The following GOLM2 variants were observed in gnomAD, a reference collection of about 807,000 sequenced individuals.
GOLM2 encodes the protein golgi membrane protein 2, also known as protein GOLM2.
GOLM2 carries 26 observed loss-of-function variants against 55.9 expected under a neutral mutation model. That is an observed-to-expected ratio of 0.47 (90% CI 0.34 to 0.65). GOLM2 has a LOEUF of 0.65. Among genes scored for constraint, GOLM2 ranks in the 30% least tolerant of loss-of-function variants. The pLI, the probability that GOLM2 is intolerant of heterozygous loss-of-function variation, is 0.01. For synonymous variants in GOLM2, 165 were observed against 194.6 expected (o/e 0.85, Z 1.27); for missense variants, 486 against 531.8 (o/e 0.91, Z 0.85).
At chr15:44,292,007 T>G (rs2078724112) in intron 1 of GOLM2, among the ~76,000 whole-genome samples, 2 of 152,088 alleles carry the variant, frequency 1.3e-5, no homozygotes, top group Non-Finnish European at 2.9e-5. Context: ...CAGGTTACTA[T>G]TTTCATGGCC....
chr15:44,323,400 G>C (rs2078963959), intron 2 of GOLM2, among the ~76,000 whole-genome samples: 1 of 151,770 alleles, frequency 6.6e-6, no homozygotes, highest in Admixed American at 6.6e-5. Flanking sequence ...TCAGGTCTAG[G>C]GATGCTTTGG....
rs748572538 is a variant in GOLM2, at chr15:44,289,087, G to T, written c.58G>T (p.Val20Leu). Residue 20 changes from valine (V) to leucine (L), a missense_variant, in exon 1 of 10, where the codon GTG becomes TTG. Coordinates refer to ENST00000299957, the MANE Select transcript of GOLM2 (RefSeq NM_138423.4). The surrounding 1 kb of genome is among the most constrained non-coding windows in gnomAD (Gnocchi z 4.8). ...AGRLPSLVLV[V>L]LLVVIVVLAF... Reference sequence around the variant, plus strand: ...CCGCCTGCCCTCTCTCGTGCTGGTGGTGCTGCTGGTGGTGATCGTCGTCCT... The same window carrying T: ...CCGCCTGCCCTCTCTCGTGCTGGTGTTGCTGCTGGTGGTGATCGTCGTCCT... 6.8e-6 allele frequency: 11 copies of T among 1,614,150 alleles called. No homozygotes were observed. In the South Asian group the frequency reaches 1.2e-4, roughly 18 times the overall value.
chr15:44,385,148 C>A (rs920400314), intron 8 of GOLM2, among the ~76,000 whole-genome samples: 4 of 152,030 alleles, frequency 2.6e-5, no homozygotes, highest in Non-Finnish European at 5.9e-5. Flanking sequence ...CATTTATGTA[C>A]AAGTTTTTTT....
intron 6 of GOLM2, among the ~76,000 whole-genome samples, chr15:44,366,590 C>T (rs1462367721): frequency 2.6e-5 from 4 of 152,098 alleles, no homozygotes; most frequent in Admixed American, 6.5e-5. Context: ...ACCATGATGA[C>T]GCCATTGCAC....
At chr15:44,351,494 G>A (rs1227137269) in intron 6 of GOLM2, among the ~76,000 whole-genome samples, 2 of 148,674 alleles carry the variant, frequency 1.3e-5, no homozygotes, top group Non-Finnish European at 1.5e-5. Context: ...GGAGAATGGC[G>A]TGAACCCGGG....
chr15:44,295,111 A>C (rs1194323210), intron 1 of GOLM2, among the ~76,000 whole-genome samples: 2 of 143,836 alleles, frequency 1.4e-5, no homozygotes, highest in Admixed American at 7.2e-5. Flanking sequence ...ATGGAGCCTC[A>C]CTCTGTCACC....
chr15:44,362,689 CTACTT>C (rs1279348159), intron 6 of GOLM2, among the ~76,000 whole-genome samples: 1 of 152,144 alleles, frequency 6.6e-6, no homozygotes, highest in Non-Finnish European at 1.5e-5. Flanking sequence ...TTGGAAAAAA[CTACTT>C]TAAAGTTCAT....
chr15:44,298,794 G>A, intron 1 of GOLM2, among the ~76,000 whole-genome samples: 1 of 152,214 alleles, frequency 6.6e-6, no homozygotes, highest in Non-Finnish European at 1.5e-5. Flanking sequence ...TCCCCTAAAA[G>A]GATATATTGA....
intron 8 of GOLM2, among the ~76,000 whole-genome samples, chr15:44,401,059 G>A (rs2079561883): frequency 6.6e-6 from 1 of 152,088 alleles, no homozygotes; most frequent in African/African-American, 2.4e-5. Context: ...AAAGGAAGCT[G>A]TTTATTTTTT....
intron 6 of GOLM2, among the ~76,000 whole-genome samples, chr15:44,350,782 C>G (rs1446922642): frequency 6.6e-6 from 1 of 152,132 alleles, no homozygotes; most frequent in Non-Finnish European, 1.5e-5. Context: ...TATCATTGAA[C>G]AAGTGGGTTT....
chr15:44,331,943 C>A, intron 3 of GOLM2, 45 bp from the exon 4 acceptor site: 4 of 1,341,956 alleles, frequency 3.0e-6, no homozygotes, highest in Non-Finnish European at 4.3e-6. Context: ...CTTTGAGAAT[C>A]CAATCCAAGA....
At chr15:44,382,996 ATG>A (rs924657588) in intron 8 of GOLM2, among the ~76,000 whole-genome samples, 1 of 151,196 alleles carries the variant, frequency 6.6e-6, no homozygotes, top group African/African-American at 2.4e-5. Context: ...TTTATCATTA[ATG>A]TATATGGAGA....
At chr15:44,342,002 A>G (rs1048935889) in intron 6 of GOLM2, among the ~76,000 whole-genome samples, 1 of 151,880 alleles carries the variant, frequency 6.6e-6, no homozygotes, top group African/African-American at 2.4e-5. Flanking sequence ...GGCCAATTTT[A>G]TTAGATTTTA....
rs150577938 is a variant in GOLM2, at chr15:44,376,751, G to A, written c.803-2939G>A. On this transcript the variant is annotated intron_variant, in intron 6 of 9. Transcript: ENST00000299957. ...TCTAGATCATCGTTTGTTTCAGTACGACTAACTATAATAATTACCTCTTTT... is the reference window on the plus strand; with the variant it reads ...TCTAGATCATCGTTTGTTTCAGTACAACTAACTATAATAATTACCTCTTTT... 3.3e-5 allele frequency among the ~76,000 whole-genome samples: 5 copies of A among 152,104 alleles called. No individual in the cohort carries two copies. In the East Asian group the frequency reaches 9.6e-4, roughly 29 times the overall value.
chr15:44,401,829 CTT>C (rs754956674), intron 8 of GOLM2, among the ~76,000 whole-genome samples: 13 of 119,662 alleles, frequency 1.1e-4, no homozygotes, highest in African/African-American at 1.2e-4. Flanking sequence ...TTCTTGATTT[CTT>C]TTTTTTTTTT....
chr15:44,401,381 C>T (rs1205287473), intron 8 of GOLM2, among the ~76,000 whole-genome samples: 1 of 152,086 alleles, frequency 6.6e-6, no homozygotes, highest in African/African-American at 2.4e-5. Context: ...CCTTCTACCT[C>T]AGCCTCCTGA....
chr15:44,290,627 G>A (rs1269727491), intron 1 of GOLM2, among the ~76,000 whole-genome samples: 1 of 152,192 alleles, frequency 6.6e-6, no homozygotes, highest in African/African-American at 2.4e-5. Context: ...CTCGGGCAGA[G>A]TAGGTAGAAA....
chr15:44,366,310 A>AAAAAC, intron 6 of GOLM2, among the ~76,000 whole-genome samples: 1 of 150,534 alleles, frequency 6.6e-6, no homozygotes, highest in South Asian at 2.1e-4. Context: ...AAAAAAAAAA[A>AAAAAC]AAAACAAAAC....
At position 44,380,952 on chromosome 15, in the gene GOLM2, A is replaced by G. The variant is rs1480925145; in HGVS notation, c.1048A>G (p.Ser350Gly). The change falls in exon 8 of 10, where the codon AGT becomes GGT. Residue 350 changes from serine to glycine, a missense_variant. Physicochemically the swap from Ser to Gly is moderately conservative, Grantham distance 56 (BLOSUM62 0). Transcript: ENST00000299957. ...ILKQATKDRV[S>G]DFHKLKQSRF... is the part of the protein sequence containing the mutation. ...AAAGCAGGCTACCAAGGACAGAGTC[A>G]GTGATTTCCATAAATTGAAGCAAAG... The G allele has an allele frequency of 6.4e-7, 1 of 1,572,594 alleles. No individual in the cohort carries two copies. Among genetic ancestry groups the G allele is most frequent in the Non-Finnish European group, 8.6e-7 (1 of 1,162,094 alleles).
Sources: allele counts gnomAD v4.1 joint callset (sites outside exome capture counted in the v4.1 genomes callset), GRCh38; gene constraint gnomAD v4.1.1; non-coding constraint Gnocchi (gnomAD v3.1); transcripts MANE v1.5; gene names NCBI Gene and HGNC (gene_info 2026-07-23, HGNC 2026-07-21).